Variants in SLC13A2 observed in about 807,000 individuals in gnomAD.
SLC13A2 encodes the protein Na(+)-coupled citrate transporter.
In SLC13A2, 40 loss-of-function variants were observed where a neutral mutation model predicts 58.5. That is an observed-to-expected ratio of 0.68 (90% CI 0.53 to 0.89). The LOEUF is 0.89. Among genes scored for constraint, SLC13A2 ranks in the 40% least tolerant of loss-of-function variants. SLC13A2 has a pLI of 0.00. For synonymous variants in SLC13A2, 341 were observed against 331.6 expected, an observed-to-expected ratio of 1.03 and a Z score of -0.31; for missense variants, 694 against 772.6, an observed-to-expected ratio of 0.90 and a Z score of 1.21.
intron 6 of SLC13A2, among the ~76,000 whole-genome samples, chr17:28,493,281 T>C (rs1309091932): frequency 6.6e-6 from 1 of 152,010 alleles, no homozygotes; most frequent in Non-Finnish European, 1.5e-5. Context: ...AGTCCCAGGG[T>C]CTGAGCTGCT....
chr17:28,481,731 G>C (rs2068790231), intron 1 of SLC13A2, among the ~76,000 whole-genome samples: 1 of 152,188 alleles, frequency 6.6e-6, no homozygotes, highest in Non-Finnish European at 1.5e-5. Flanking sequence ...ATATGAACTG[G>C]CCATTGTCCC....
At chr17:28,488,682 T>C (rs1472174914) in intron 1 of SLC13A2, among the ~76,000 whole-genome samples, 1 of 152,212 alleles carries the variant, frequency 6.6e-6, no homozygotes, top group Non-Finnish European at 1.5e-5. Flanking sequence ...TCTGGAGTTG[T>C]GTAATGCAGC....
chr17:28,489,106 C>G lies in SLC13A2; in HGVS notation c.103-108C>G. Reference sequence around the variant, plus strand: ...AATCAATGACTGTGGGTTTCACAGGCTCTCCCCAGGCAGTCACAAATGGCC... The same window carrying G: ...AATCAATGACTGTGGGTTTCACAGGGTCTCCCCAGGCAGTCACAAATGGCC... On this transcript the variant is annotated intron_variant, in intron 1 of 11. Transcript: ENST00000314669. 2.3e-6 allele frequency: 3 copies of G among 1,295,152 alleles called. No homozygotes were observed. In the South Asian group the frequency reaches 4.3e-5, roughly 18 times the overall value. The allele number at this position is 1,295,152 out of a possible 1,614,324, so 80.2% of individuals were successfully genotyped here.
In SLC13A2 at chr17:28,491,545, C is replaced by T. The variant is rs868991422; in HGVS notation, c.683C>T (p.Ser228Phe). 1 of 1,613,778 alleles carries T rather than the reference C, an allele frequency of 6.2e-7. No homozygotes were observed. Among genetic ancestry groups the T allele is most frequent in the Non-Finnish European group, 8.5e-7 (1 of 1,180,036 alleles). The change falls in exon 5 of 12, where the codon TCC (serine) becomes TTC (phenylalanine). Residue 228 changes from serine to phenylalanine, a missense_variant. Transcript: ENST00000314669. Reference sequence around the variant, plus strand: ...TGCATGAGCCTGTGCGTGTGCTACTCCGCCAGCATCGGGGGCATCGCCACG... The same window carrying T: ...TGCATGAGCCTGTGCGTGTGCTACTTCGCCAGCATCGGGGGCATCGCCACG... ...TQCMSLCVCYSASIGGIATLT... is the reference protein window; with the variant it reads ...TQCMSLCVCYFASIGGIATLT...
chr17:28,475,148 C>G (rs948661962), intron 1 of SLC13A2, among the ~76,000 whole-genome samples: 2 of 152,226 alleles, frequency 1.3e-5, no homozygotes, highest in Non-Finnish European at 2.9e-5. Flanking sequence ...ATTTTGATTT[C>G]TTCCCAATTC....
At chr17:28,489,928 G>A (rs1188491748) in intron 2 of SLC13A2, among the ~76,000 whole-genome samples, 7 of 152,194 alleles carry the variant, frequency 4.6e-5, no homozygotes, top group African/African-American at 1.7e-4. Context: ...TATTCCTGAG[G>A]GGAGATAAAG....
chr17:28,483,191 C>G (rs371132472), intron 1 of SLC13A2, among the ~76,000 whole-genome samples: 10 of 152,194 alleles, frequency 6.6e-5, no homozygotes, highest in South Asian at 2.1e-4. Flanking sequence ...CCACACACCC[C>G]GGGTCCGGAG....
chr17:28,487,886 C>CAAT (rs1239963160), intron 1 of SLC13A2, among the ~76,000 whole-genome samples: 7 of 152,278 alleles, frequency 4.6e-5, no homozygotes, highest in African/African-American at 1.7e-4. Context: ...AGGCTACACA[C>CAAT]TGCACAATTA....
Position 28,493,557 on chromosome 17 carries a change from C to T in SLC13A2, c.879-14C>T, listed in dbSNP as rs2069071534. ...GCAGGCCCCCCACGAGCTGCCCCGT[C>T]CCTCTGCCTGCAGCTTCCGGAAGAA... On this transcript the variant is annotated splice_polypyrimidine_tract_variant and intron_variant, in intron 6 of 11. Transcript: ENST00000314669. The T allele has an allele frequency of 6.3e-7, 1 of 1,591,148 alleles. No homozygotes were observed. The highest frequency in any genetic ancestry group is 2.2e-5 in the East Asian group (1 of 44,526).
intron 4 of SLC13A2, among the ~76,000 whole-genome samples, 167 bp from the exon 5 acceptor site, chr17:28,491,268 ACT>A (rs2069012698): frequency 6.6e-6 from 1 of 151,876 alleles, no homozygotes; most frequent in Non-Finnish European, 1.5e-5. Flanking sequence ...CCAGCCTGAG[ACT>A]CTGGGGAATG....
chr17:28,487,587 C>T (rs564832619), intron 1 of SLC13A2: 2 of 985,360 alleles, frequency 2.0e-6, no homozygotes, highest in East Asian at 2.3e-4. Context: ...TGTCTCTGGC[C>T]AGAGAGTTCT....
chr17:28,479,063 A>T (rs782669212), intron 1 of SLC13A2, among the ~76,000 whole-genome samples: 8 of 151,940 alleles, frequency 5.3e-5, no homozygotes, highest in Non-Finnish European at 8.8e-5. Flanking sequence ...TCACTAAAAA[A>T]ATTAGCCAGG....
At chr17:28,489,431 C>T in intron 2 of SLC13A2, 89 bp downstream of exon 2, 1 of 1,451,438 alleles carries the variant, frequency 6.9e-7, no homozygotes, top group Non-Finnish European at 9.2e-7. Flanking sequence ...AAGGAAGCCT[C>T]ACCATAGGCA....
At chr17:28,482,758 C>A (rs1212876260) in intron 1 of SLC13A2, among the ~76,000 whole-genome samples, 1 of 152,184 alleles carries the variant, frequency 6.6e-6, no homozygotes, top group Admixed American at 6.5e-5. Context: ...TCCCTCACCC[C>A]AACCCCCTTT....
chr17:28,477,398 G>A (rs925511993), intron 1 of SLC13A2, among the ~76,000 whole-genome samples: 7 of 151,656 alleles, frequency 4.6e-5, no homozygotes, highest in East Asian at 2.0e-4. Context: ...GTTTCACCGT[G>A]TTAGCCAGGA....
intron 9 of SLC13A2, among the ~76,000 whole-genome samples, chr17:28,495,188 C>T (rs2069115017): frequency 6.6e-6 from 1 of 152,204 alleles, no homozygotes. Flanking sequence ...CTCTTCTGAC[C>T]CTGTGGACTG....
chr17:28,481,077 A>G (rs2068775896), intron 1 of SLC13A2, among the ~76,000 whole-genome samples: 2 of 152,234 alleles, frequency 1.3e-5, no homozygotes, highest in Admixed American at 1.3e-4. Context: ...GGTGAAGGCC[A>G]GGAATGGGAA....
chr17:28,492,474 C>T (rs1555603717), intron 6 of SLC13A2, among the ~76,000 whole-genome samples: 1 of 152,190 alleles, frequency 6.6e-6, no homozygotes, highest in African/African-American at 2.4e-5. Flanking sequence ...GAAGAAATTC[C>T]AGGCAGCAGG....
rs2069144147 is a variant in SLC13A2 at position 28,496,407 on chromosome 17, T to A, written c.1471-43T>A. ...TGGGGGCCATGCCCCTCCCTCTGGC[T>A]TGGGGACCAAGTTCAGCTCTGCGCC... is the stretch of plus-strand genomic sequence containing the variant. On this transcript the variant is annotated intron_variant, in intron 10 of 11. Coordinates refer to ENST00000314669, the MANE Select transcript of SLC13A2 (RefSeq NM_003984.4). This position sits in a 1 kb window ranked among gnomAD's most constrained non-coding sequence, Gnocchi z 4.2. 1 of 1,557,368 alleles carries A rather than the reference T, an allele frequency of 6.4e-7. No individual in the cohort carries two copies. The highest frequency in any genetic ancestry group is 1.4e-5 in the African/African-American group (1 of 73,130).
Sources: allele counts gnomAD v4.1 joint callset (sites outside exome capture counted in the v4.1 genomes callset), GRCh38; gene constraint gnomAD v4.1.1; non-coding constraint Gnocchi (gnomAD v3.1); transcripts MANE v1.5; gene names NCBI Gene and HGNC (gene_info 2026-07-23, HGNC 2026-07-21).